Variants in HTR2A observed in about 807,000 individuals in gnomAD.
HTR2A encodes the protein 5-hydroxytryptamine receptor 2A.
A neutral mutation model predicts 31.0 loss-of-function variants in HTR2A; 14 were observed. The observed-to-expected ratio is 0.45, with a 90% confidence interval of 0.30 to 0.71. The LOEUF (loss-of-function observed/expected upper bound fraction) is 0.71. Among genes scored for constraint, HTR2A ranks in the 30% least tolerant of loss-of-function variants. The probability of loss-of-function intolerance (pLI) is 0.09; values close to 1 mark genes in which losing one functional copy is unlikely to be tolerated. For synonymous variants in HTR2A, 209 were observed against 225.2 expected, an observed-to-expected ratio of 0.93 and a Z score of 0.64; for missense variants, 442 against 573.3, an observed-to-expected ratio of 0.77 and a Z score of 2.34.
At chr13:46,849,825 A>G (rs997549549) in intron 3 of HTR2A, among the ~76,000 whole-genome samples, 3 of 152,126 alleles carry the variant, frequency 2.0e-5, no homozygotes, top group African/African-American at 2.4e-5. Context: ...TTTGCTTGTC[A>G]TCTCTCTGTT....
At chr13:46,845,671 C>T (rs942448739) in intron 3 of HTR2A, among the ~76,000 whole-genome samples, 1 of 145,410 alleles carries the variant, frequency 6.9e-6, no homozygotes, top group Non-Finnish European at 1.5e-5. Context: ...GAAAAAAAGA[C>T]TAGGGAGGCA....
intron 3 of HTR2A, among the ~76,000 whole-genome samples, chr13:46,855,156 G>C (rs186766395): frequency 3.7e-4 from 56 of 152,260 alleles, no homozygotes; most frequent in Admixed American, 3.1e-3. Context: ...CCAGAATTCT[G>C]ACCTCCGGAA....
rs78473870 is a variant in HTR2A, at chr13:46,865,505, A to G, written c.613+26885T>C. Among the ~76,000 whole-genome samples the G allele has an allele frequency of 4.8e-3, 724 of 152,310 alleles. 2 individuals carry two copies. The highest frequency in any genetic ancestry group is 0.016 in the African/African-American group (678 of 41,572). ...TGCAATACAAAACAATTCTGGCTCTACTAGGTGAAGATGCTGACCTAAACC... is the reference window on the plus strand; with the variant it reads ...TGCAATACAAAACAATTCTGGCTCTGCTAGGTGAAGATGCTGACCTAAACC... On this transcript the variant is annotated intron_variant, in intron 3 of 3. Coordinates refer to ENST00000542664, the MANE Select transcript of HTR2A (RefSeq NM_000621.5).
chr13:46,884,838 A>T (rs1049860014), intron 3 of HTR2A, among the ~76,000 whole-genome samples: 1 of 151,942 alleles, frequency 6.6e-6, no homozygotes, highest in Non-Finnish European at 1.5e-5. Flanking sequence ...ATATATATAT[A>T]TATCTCCACA....
chr13:46,835,709 A>G (rs1183640006), intron 3 of HTR2A, 70 bp from the exon 4 acceptor site: 13 of 1,137,836 alleles, frequency 1.1e-5, no homozygotes, highest in Non-Finnish European at 1.6e-5. Context: ...GCATCATCAC[A>G]TAATATTGGC....
chr13:46,864,138 A>G (rs181597411), intron 3 of HTR2A, among the ~76,000 whole-genome samples: 1 of 152,240 alleles, frequency 6.6e-6, no homozygotes, highest in Non-Finnish European at 1.5e-5. Context: ...CCTGGAGGCC[A>G]TTATCCTTAG....
intron 3 of HTR2A, among the ~76,000 whole-genome samples, chr13:46,840,500 A>G (rs1950589939): frequency 6.6e-6 from 1 of 152,214 alleles, no homozygotes; most frequent in Non-Finnish European, 1.5e-5. Flanking sequence ...GATTTTTACA[A>G]AATTGTTAAA....
intron 3 of HTR2A, among the ~76,000 whole-genome samples, chr13:46,867,943 G>A (rs907953705): frequency 1.3e-5 from 2 of 152,068 alleles, no homozygotes; most frequent in Non-Finnish European, 2.9e-5. Flanking sequence ...TGAACTTTTT[G>A]TCCTGAGTGA....
Position 46,895,742 on chromosome 13 carries a change from A to G in HTR2A, c.165T>C (p.Leu55=). Residue 55 remains leucine, a synonymous_variant, in exon 2 of 4, where the codon CTT becomes CTC. Transcript: ENST00000542664. The surrounding 1 kb of genome is among the most constrained non-coding windows in gnomAD (Gnocchi z 4.4). The part of the protein sequence containing the change: ...WTVDSENRTN[L]SCEGCLSPSC... ...ACGGTGAGAGGCACCCTTCACAGGA[A>G]AGGTTGGTTCGATTTTCAGAGTCGA... 6.2e-7 allele frequency: 1 copy of G among 1,614,170 alleles called. No homozygotes were observed. Among genetic ancestry groups the G allele is most frequent in the Non-Finnish European group, 8.5e-7 (1 of 1,180,032 alleles).
chr13:46,847,870 T>C (rs552663725), intron 3 of HTR2A, among the ~76,000 whole-genome samples: 4 of 152,278 alleles, frequency 2.6e-5, no homozygotes, highest in Middle Eastern at 3.4e-3. Context: ...TGGGCACTAT[T>C]TGGGGCACAG....
intron 3 of HTR2A, among the ~76,000 whole-genome samples, chr13:46,857,108 T>C (rs927724449): frequency 2.6e-5 from 4 of 152,074 alleles, no homozygotes; most frequent in Non-Finnish European, 5.9e-5. Context: ...GAGACCATCC[T>C]GGCCAACTTG....
chr13:46,887,877 A>G (rs941268974), intron 3 of HTR2A, among the ~76,000 whole-genome samples: 1 of 151,310 alleles, frequency 6.6e-6, no homozygotes, highest in African/African-American at 2.4e-5. Context: ...GAACACGTGG[A>G]CACATGGTGG....
At chr13:46,844,381 C>T (rs987512831) in intron 3 of HTR2A, among the ~76,000 whole-genome samples, 7 of 152,120 alleles carry the variant, frequency 4.6e-5, no homozygotes, top group East Asian at 1.9e-4. Context: ...TGGGAAAACA[C>T]AGTAATGAGG....
At chr13:46,882,450 G>A (rs191972329) in intron 3 of HTR2A, among the ~76,000 whole-genome samples, 2 of 152,276 alleles carry the variant, frequency 1.3e-5, no homozygotes, top group Admixed American at 1.3e-4. Context: ...TAGATCACGT[G>A]TTAATTTCTA....
chr13:46,889,503 T>C (rs1951033819), intron 3 of HTR2A, among the ~76,000 whole-genome samples: 1 of 152,092 alleles, frequency 6.6e-6, no homozygotes, highest in Non-Finnish European at 1.5e-5. Context: ...TTAATAAAGC[T>C]AGAAAAAGAA....
chr13:46,880,501 T>C lies in HTR2A; in HGVS notation c.613+11889A>G, dbSNP rs368080757. Among the ~76,000 whole-genome samples the C allele has an allele frequency of 2.2e-3, 336 of 152,244 alleles. 2 individuals carry two copies. Among genetic ancestry groups the C allele is most frequent in the Non-Finnish European group, 2.8e-3 (192 of 68,020 alleles). ...AATATTTAGCAAAAGAATAAAGAAA[T>C]TCATAGTCCATAAGCCAGGCCAAAT... On this transcript the variant is annotated intron_variant, in intron 3 of 3. Transcript: ENST00000542664.
At chr13:46,876,501 C>T (rs1223615142) in intron 3 of HTR2A, among the ~76,000 whole-genome samples, 1 of 148,820 alleles carries the variant, frequency 6.7e-6, no homozygotes, top group Non-Finnish European at 1.5e-5. Flanking sequence ...GCTCCGCCTC[C>T]CGGGTTCACG....
At chr13:46,857,179 A>G (rs79684337) in intron 3 of HTR2A, among the ~76,000 whole-genome samples, 10,318 of 152,000 alleles carry the variant, frequency 0.068, 720 homozygotes, top group African/African-American at 0.17. Flanking sequence ...GCTCCCCTGC[A>G]GTCCCAGCTA....
rs1386343876 is a variant in HTR2A at position 46,833,739 on chromosome 13, C to T, written c.*1098G>A. The T allele has an allele frequency of 6.6e-6, 1 of 152,104 alleles. No homozygotes were observed. The highest frequency in any genetic ancestry group is 1.5e-5 in the Non-Finnish European group (1 of 68,036). 9.4% of individuals were successfully genotyped at this position (152,104 alleles called of 1,614,324 possible). On this transcript the variant is annotated 3_prime_UTR_variant, in exon 4 of 4. Transcript: ENST00000542664. ...TTCTCATATCTAGAAATTTGCTTCA[C>T]ACATAAATGTACACTCAATAGATGA...
Sources: gnomAD v4.1 joint callset for allele counts (sites outside exome capture counted in the v4.1 genomes callset) on GRCh38, gnomAD v4.1.1 for gene constraint, Gnocchi (gnomAD v3.1) non-coding constraint, MANE v1.5 for transcripts, NCBI Gene and HGNC (gene_info 2026-07-23, HGNC 2026-07-21) for gene names.